TDRD12: variants seen among roughly 807,000 people sequenced by gnomAD.
TDRD12 encodes the protein tudor domain containing 12.
A neutral mutation model predicts 133.5 loss-of-function variants in TDRD12; 158 were observed. That is an observed-to-expected ratio of 1.18 (90% CI 1.04 to 1.35). The LOEUF (loss-of-function observed/expected upper bound fraction) is 1.35. TDRD12 is among the 40% of genes most tolerant of loss of function. The probability of loss-of-function intolerance (pLI) is 0.00; values close to 1 mark genes in which losing one functional copy is unlikely to be tolerated. For synonymous variants in TDRD12, 460 were observed against 477.9 expected (o/e 0.96, Z 0.49); for missense variants, 1,443 against 1,321.3 (o/e 1.09, Z -1.43).
intron 21 of TDRD12, among the ~76,000 whole-genome samples, chr19:32,803,569 C>T (rs999330246): frequency 6.6e-6 from 1 of 152,182 alleles, no homozygotes; most frequent in Non-Finnish European, 1.5e-5. Context: ...GTTAGGAACA[C>T]TCTTGGCCAT....
intron 6 of TDRD12, among the ~76,000 whole-genome samples, chr19:32,750,163 G>A (rs1383160415): frequency 6.6e-6 from 1 of 152,120 alleles, no homozygotes; most frequent in East Asian, 1.9e-4. Context: ...ATACTAATTT[G>A]CTGTAGCGTT....
exon 16 of TDRD12, chr19:32,798,313 G>A: frequency 6.5e-7 from 1 of 1,529,676 alleles, no homozygotes; most frequent in Non-Finnish European, 8.8e-7. Context: ...TGCAGGTGAT[G>A]TGATTGTTAC....
rs1173867606 is a variant in TDRD12 at position 32,731,894 on chromosome 19, A to C, written c.183+11A>C. The stretch of plus-strand genomic sequence containing the variant: ...TTGGAAGAAGGACAGGTATGTATCT[A>C]AATGTTCTTTAATCACTGTGTATTG... On this transcript the variant is annotated intron_variant, in intron 2 of 27. Transcript: ENST00000444215. 1 of 1,530,024 alleles carries C rather than the reference A, an allele frequency of 6.5e-7. No homozygotes were observed. Among genetic ancestry groups the C allele is most frequent in the Non-Finnish European group, 8.8e-7 (1 of 1,139,854 alleles). The allele number at this position is 1,530,024 out of a possible 1,614,324, so 94.8% of individuals were successfully genotyped here.
chr19:32,763,888 A>G (rs1325935934), intron 8 of TDRD12, among the ~76,000 whole-genome samples: 2 of 152,132 alleles, frequency 1.3e-5, no homozygotes, highest in African/African-American at 4.8e-5. Context: ...GTGCTGGGGC[A>G]ACAGTTTGCC....
chr19:32,774,792 G>A (rs947150569), intron 10 of TDRD12, among the ~76,000 whole-genome samples: 30 of 152,104 alleles, frequency 2.0e-4, no homozygotes, highest in Admixed American at 2.0e-3. Flanking sequence ...AGACCAGCCT[G>A]GCCAACATGG....
rs1004847820 is a variant in TDRD12 at position 32,804,095 on chromosome 19, T to G, written c.2552+953T>G. Among the ~76,000 whole-genome samples the G allele has an allele frequency of 5.9e-5, 9 of 152,026 alleles. No homozygotes were observed. In the South Asian group the frequency reaches 1.0e-3, roughly 18 times the overall value. ...ATGAAGTTTTTTTTGTTTTTTGAGA[T>G]GGAGTTTCACTCTGTTGCCCAGGCT... On this transcript the variant is annotated intron_variant, in intron 21 of 27. Coordinates refer to ENST00000444215, the Ensembl canonical transcript of TDRD12.
intron 1 of TDRD12, among the ~76,000 whole-genome samples, chr19:32,722,948 G>A (rs961307875): frequency 2.0e-5 from 3 of 152,010 alleles, no homozygotes; most frequent in Non-Finnish European, 4.4e-5. Flanking sequence ...CCAAACTGCT[G>A]GGATTACAGG....
intron 27 of TDRD12, 114 bp from the exon 28 acceptor site, chr19:32,820,919 T>C (rs1370294525): frequency 1.5e-5 from 11 of 731,050 alleles, no homozygotes; most frequent in Admixed American, 5.3e-5. Flanking sequence ...AAGCTCTACG[T>C]GGGTCTGACT....
chr19:32,726,484 G>A (rs1396041367), intron 1 of TDRD12, among the ~76,000 whole-genome samples: 3 of 152,170 alleles, frequency 2.0e-5, no homozygotes, highest in African/African-American at 7.2e-5. Context: ...TGACTACTCT[G>A]AGTGCCTCAT....
At chr19:32,800,835 A>G in intron 18 of TDRD12, 63 bp downstream of exon 18, 2 of 1,436,124 alleles carry the variant, frequency 1.4e-6, no homozygotes, top group Middle Eastern at 1.8e-4. Flanking sequence ...TCAAGTCATC[A>G]CAAAATTACT....
At chr19:32,797,799 A>C in exon 15 of TDRD12, 1 of 702,456 alleles carries the variant, frequency 1.4e-6, no homozygotes, top group South Asian at 1.5e-5. Context: ...TTATTGGGAG[A>C]ATATAGCATG....
chr19:32,799,816 C>T (rs1971334615), intron 16 of TDRD12, among the ~76,000 whole-genome samples: 1 of 138,846 alleles, frequency 7.2e-6, no homozygotes, highest in Admixed American at 7.6e-5. Flanking sequence ...CTCACTGTAA[C>T]CTCCACCTCC....
rs146047019 is a variant in TDRD12 at position 32,826,653 on chromosome 19, G to A, written c.1049+55G>A. 1.6e-4 allele frequency: 194 copies of A among 1,230,838 alleles called. 2 individuals are homozygous for A. The East Asian group carries it at 4.5e-3, about 28-fold the overall frequency. 76.2% of individuals were successfully genotyped at this position (1,230,838 alleles called of 1,614,324 possible). ...TTTACCCTGCGTGTGTCATATTCAC[G>A]CGCTCACTGTCAGCTGTTCTCTTGA... On this transcript the variant is annotated intron_variant, in intron 9 of 9. Transcript: ENST00000637289.
At chr19:32,748,604 G>C in intron 5 of TDRD12, 73 bp downstream of exon 5, 4 of 1,463,704 alleles carry the variant, frequency 2.7e-6, no homozygotes, top group South Asian at 1.3e-5. Context: ...TGCTGCTGGC[G>C]GGGGTTGGAG....
intron 8 of TDRD12, among the ~76,000 whole-genome samples, chr19:32,770,217 G>A (rs1320137973): frequency 6.6e-6 from 1 of 151,914 alleles, no homozygotes; most frequent in Non-Finnish European, 1.5e-5. Context: ...ATGTTGGCTG[G>A]GCTGGTCTTG....
chr19:32,781,485 A>G (rs1422791434), intron 11 of TDRD12, among the ~76,000 whole-genome samples: 1 of 152,088 alleles, frequency 6.6e-6, no homozygotes. Context: ...GTTTTGGTGG[A>G]GAGCATCCTT....
chr19:32,826,927 A>T (rs191705736), intron 9 of TDRD12, among the ~76,000 whole-genome samples, 178 bp downstream of exon 32: 4 of 152,148 alleles, frequency 2.6e-5, no homozygotes, highest in Admixed American at 2.6e-4. Flanking sequence ...GTACTTTTCA[A>T]CCCTTGGTGA....
rs115870409 is a variant in TDRD12 at position 32,780,554 on chromosome 19, G to A, written c.1121+3325G>A. On this transcript the variant is annotated intron_variant, in intron 11 of 27. Coordinates refer to ENST00000444215, the Ensembl canonical transcript of TDRD12. Reference sequence around the variant, plus strand: ...AAAGAACACAGTGAGTGGTGAGAACGCAGCTCTGTTGTACAACCCTTCCTC... The same window carrying A: ...AAAGAACACAGTGAGTGGTGAGAACACAGCTCTGTTGTACAACCCTTCCTC... Among the ~76,000 whole-genome samples, 762 of 152,216 alleles carry A rather than the reference G, an allele frequency of 5.0e-3. 8 individuals are homozygous for A. The highest frequency in any genetic ancestry group is 0.018 in the African/African-American group (736 of 41,540).
chr19:32,820,951 G>T, intron 27 of TDRD12, 82 bp from the exon 28 acceptor site: 1 of 1,148,732 alleles, frequency 8.7e-7, no homozygotes, highest in Non-Finnish European at 1.2e-6. Context: ...GGCACTTCAC[G>T]GTCATTTATT....
Sources: gnomAD v4.1 joint callset for allele counts (sites outside exome capture counted in the v4.1 genomes callset) on GRCh38, gnomAD v4.1.1 for gene constraint, MANE v1.5 for transcripts, NCBI Gene and HGNC (gene_info 2026-07-23, HGNC 2026-07-21) for gene names.